The following EVI5 variants were observed in gnomAD, a reference collection of about 807,000 sequenced individuals.
EVI5 encodes the protein ecotropic viral integration site 5 protein homolog.
In EVI5, 73 loss-of-function variants were observed where a neutral mutation model predicts 112.0. The observed-to-expected ratio is 0.65, with a 90% CI of 0.54 to 0.79. The LOEUF is 0.79. EVI5 is among the 30% of genes least tolerant of loss of function. The probability of loss-of-function intolerance (pLI) is 0.00; values close to 1 mark genes in which losing one functional copy is unlikely to be tolerated. For missense variants in EVI5, 900 were observed against 968.8 expected (o/e 0.93, Z 0.94); for synonymous variants, 305 against 319.9 (o/e 0.95, Z 0.50).
chr1:92,769,975 G>C (rs1468625805), intron 1 of EVI5, among the ~76,000 whole-genome samples: 1 of 152,180 alleles, frequency 6.6e-6, no homozygotes, highest in African/African-American at 2.4e-5. Flanking sequence ...TTATGAGAGA[G>C]AAAACAATGT....
chr1:92,742,000 G>A (rs1473562188), intron 1 of EVI5, among the ~76,000 whole-genome samples: 2 of 152,004 alleles, frequency 1.3e-5, no homozygotes. Flanking sequence ...AAACTTTTGT[G>A]TATCAACAGA....
rs72964707 is a variant in EVI5, at chr1:92,540,576, G to A, written c.2166+23066C>T. On this transcript the variant is annotated intron_variant, in intron 19 of 19. Transcript: ENST00000684568. The stretch of plus-strand genomic sequence containing the variant: ...GAGTTCTTTATATATTCTAGATACA[G>A]GCCCCTTATCAGGTAAATGATTTGA... 9.0e-3 allele frequency among the ~76,000 whole-genome samples: 1,374 copies of A among 152,156 alleles called. 18 individuals carry two copies. The highest frequency in any genetic ancestry group is 0.031 in the African/African-American group (1,292 of 41,488).
chr1:92,578,534 T>A (rs1244397939), intron 18 of EVI5, among the ~76,000 whole-genome samples: 1 of 151,096 alleles, frequency 6.6e-6, no homozygotes, highest in African/African-American at 2.5e-5. Flanking sequence ...GCTAACACGG[T>A]GAAACCCCGT....
At chr1:92,569,849 T>A (rs547782310) in intron 18 of EVI5, among the ~76,000 whole-genome samples, 793 of 77,814 alleles carry the variant, frequency 0.01, 8 homozygotes, top group African/African-American at 0.042. Context: ...GGAGACTCCA[T>A]CTCAAAAAAA....
chr1:92,790,823 CAAAAAA>C (rs796844421), intron 1 of EVI5, among the ~76,000 whole-genome samples: 1 of 124,226 alleles, frequency 8.0e-6, no homozygotes, highest in Non-Finnish European at 1.7e-5. Context: ...GATCCTGTCT[CAAAAAA>C]AAAAAAAAGG....
At chr1:92,656,009 A>G (rs1294438438) in intron 13 of EVI5, among the ~76,000 whole-genome samples, 1 of 152,246 alleles carries the variant, frequency 6.6e-6, no homozygotes, top group East Asian at 1.9e-4. Flanking sequence ...GATCACTGAG[A>G]CAGGAAATCA....
chr1:92,658,492 A>G (rs1364784236), intron 13 of EVI5, among the ~76,000 whole-genome samples: 1 of 152,194 alleles, frequency 6.6e-6, no homozygotes, highest in Non-Finnish European at 1.5e-5. Context: ...AGCTACAAAA[A>G]AATTTAAATA....
intron 18 of EVI5, among the ~76,000 whole-genome samples, chr1:92,575,615 T>A (rs1016307871): frequency 7.6e-6 from 1 of 132,042 alleles, no homozygotes; most frequent in Non-Finnish European, 1.5e-5. Flanking sequence ...TGTTGCATAG[T>A]CTAGAGTGCA....
At chr1:92,674,575 T>C (rs1236357774) in intron 10 of EVI5, among the ~76,000 whole-genome samples, 3 of 151,852 alleles carry the variant, frequency 2.0e-5, no homozygotes, top group East Asian at 1.9e-4. Flanking sequence ...TTAGGAGAAA[T>C]ACCTAATGTA....
intron 16 of EVI5, among the ~76,000 whole-genome samples, chr1:92,609,440 C>T (rs918599595): frequency 6.9e-6 from 1 of 145,050 alleles, no homozygotes; most frequent in South Asian, 2.2e-4. Context: ...TCACTGCAAC[C>T]TCCACCTCCT....
chr1:92,606,345 A>C (rs1650376681), intron 17 of EVI5, among the ~76,000 whole-genome samples: 1 of 152,186 alleles, frequency 6.6e-6, no homozygotes, highest in Admixed American at 6.5e-5. Flanking sequence ...CCATTATCAA[A>C]ATATGTTTAA....
intron 2 of EVI5, among the ~76,000 whole-genome samples, chr1:92,726,385 G>A (rs957110175): frequency 2.6e-5 from 4 of 152,066 alleles, no homozygotes; most frequent in African/African-American, 9.7e-5. Flanking sequence ...AAACACAAGA[G>A]AGAAATCAAT....
intron 1 of EVI5, among the ~76,000 whole-genome samples, chr1:92,775,972 G>A (rs928166167): frequency 6.6e-6 from 1 of 152,026 alleles, no homozygotes; most frequent in African/African-American, 2.4e-5. Flanking sequence ...GCCAGGCGTG[G>A]TGGTGGGCGC....
At chr1:92,710,996 T>C (rs1222804401) in intron 2 of EVI5, among the ~76,000 whole-genome samples, 1 of 152,174 alleles carries the variant, frequency 6.6e-6, no homozygotes, top group East Asian at 1.9e-4. Flanking sequence ...AAACTTCTTA[T>C]CGAGATGCCA....
At position 92,589,544 on chromosome 1, in the gene EVI5, G is replaced by A. The variant is rs549472916; in HGVS notation, c.2070+15763C>T. ...TAGCACAGCAGTCTGAGATCAAACT[G>A]CAAGGCGGCAGCGAGGCTGGGGGAG... On this transcript the variant is annotated intron_variant, in intron 18 of 19. Coordinates refer to ENST00000684568, the MANE Select transcript of EVI5 (RefSeq NM_001350197.2). 1.9e-4 allele frequency among the ~76,000 whole-genome samples: 29 copies of A among 152,286 alleles called. 1 individual carries two copies. The South Asian group carries it at 6.0e-3, about 32-fold the overall frequency.
intron 18 of EVI5, among the ~76,000 whole-genome samples, chr1:92,564,732 T>G (rs145099173): frequency 1.3e-5 from 2 of 149,766 alleles, no homozygotes; most frequent in Non-Finnish European, 3.0e-5. Flanking sequence ...CAGGCTGGAG[T>G]GCAATGGCGC....
chr1:92,741,389 T>C (rs1678374662), intron 1 of EVI5, among the ~76,000 whole-genome samples: 1 of 152,158 alleles, frequency 6.6e-6, no homozygotes, highest in South Asian at 2.1e-4. Flanking sequence ...ATCTGAGAGA[T>C]ACAGAAATAA....
intron 19 of EVI5, among the ~76,000 whole-genome samples, chr1:92,552,034 T>C (rs1035360933): frequency 6.6e-6 from 1 of 151,408 alleles, no homozygotes; most frequent in South Asian, 2.1e-4. Flanking sequence ...AATCTAGCTC[T>C]ACCCATGTGA....
chr1:92,612,857 A>G (rs1210963169), intron 16 of EVI5, among the ~76,000 whole-genome samples: 1 of 152,174 alleles, frequency 6.6e-6, no homozygotes. Flanking sequence ...GCTAGAATAA[A>G]TATCAGACTG....
Sources: allele counts gnomAD v4.1 joint callset (sites outside exome capture counted in the v4.1 genomes callset), GRCh38; gene constraint gnomAD v4.1.1; transcripts MANE v1.5; gene names NCBI Gene and HGNC (gene_info 2026-07-23, HGNC 2026-07-21).